PSG8: variants seen among roughly 807,000 people sequenced by gnomAD.
The protein encoded by PSG8 is pregnancy-specific beta-1-glycoprotein 8.
PSG8 carries 57 observed loss-of-function variants against 42.5 expected under a neutral mutation model. The observed-to-expected ratio is 1.34, with a 90% CI of 1.08 to 1.67. PSG8 has a LOEUF of 1.67. Among genes scored for constraint, PSG8 ranks in the 40% most tolerant of loss-of-function variants. PSG8 has a pLI of 0.00. For missense variants in PSG8, 783 were observed against 518.6 expected (o/e 1.51, Z -4.95); for synonymous variants, 280 against 196.8 (o/e 1.42, Z -3.54).
In PSG8 at chr19:42,764,172, C is replaced by T. The variant is rs138853785; in HGVS notation, c.174G>A (p.Leu58=). ...AGATGTAGCCAGTAAGATTCTGGGG[C>T]AAATTGTGGACAAGTAGAAGAACAT... ...GKDVLLLVHN[L]PQNLTGYIWY... The change falls in exon 2 of 5, where the codon TTG becomes TTA. Residue 58 remains leucine (L), a synonymous_variant. Transcript: ENST00000306511. 1.2e-5 allele frequency: 19 copies of T among 1,613,804 alleles called. No homozygotes were observed. In the African/African-American group the frequency reaches 1.2e-4, roughly 10 times the overall value.
Position 42,764,138 on chromosome 19 carries a change from C to G in PSG8, c.208G>C (p.Gly70Arg). The change falls in exon 2 of 5, where the codon GGG becomes CGG. Residue 70 changes from glycine (G) to arginine (R), a missense_variant. By Grantham distance (125) the Gly-to-Arg change is moderately radical. Transcript: ENST00000306511. Reference sequence around the variant, plus strand: ...TAATGGTAGAGGTCCCTGATTTGCCCTTTGTACCAGATGTAGCCAGTAAGA... The same window carrying G: ...TAATGGTAGAGGTCCCTGATTTGCCGTTTGTACCAGATGTAGCCAGTAAGA... ...QNLTGYIWYKGQIRDLYHYIT... is the reference protein window; with the variant it reads ...QNLTGYIWYKRQIRDLYHYIT... The G allele has an allele frequency of 6.2e-7, 1 of 1,613,870 alleles. No homozygotes were observed. The highest frequency in any genetic ancestry group is 8.5e-7 in the Non-Finnish European group (1 of 1,179,896).
At position 42,758,214 on chromosome 19, in the gene PSG8, C is replaced by A. The variant is rs751341959; in HGVS notation, c.497G>T (p.Ser166Ile). 5.1e-5 allele frequency: 82 copies of A among 1,613,938 alleles called. 1 individual carries two copies. Among genetic ancestry groups the A allele is most frequent in the Admixed American group, 5.0e-4 (30 of 59,980 alleles). The change falls in exon 3 of 5, where the codon AGC becomes ATC. Residue 166 changes from serine (S) to isoleucine (I), a missense_variant. By Grantham distance (142) the Ser-to-Ile change is moderately radical. Coordinates refer to ENST00000306511, the MANE Select transcript of PSG8 (RefSeq NM_182707.3). ...LNPREAMEAV[S>I]LTCDPETPDA... ...CGGAGTCTCAGGATCACAGGTTAAG[C>A]TCACAGCCTCCATGGCCTCCCTGGG...
intron 2 of PSG8, among the ~76,000 whole-genome samples, chr19:42,762,663 T>C (rs1472198243): frequency 6.6e-6 from 1 of 151,970 alleles, no homozygotes; most frequent in Non-Finnish European, 1.5e-5. Context: ...ATGGACACTT[T>C]GGGAAACACA....
rs375085910 is a variant in PSG8, at chr19:42,763,896, G to A, written c.430+20C>T. The A allele has an allele frequency of 1.9e-6, 3 of 1,613,482 alleles. No homozygotes were observed. The highest frequency in any genetic ancestry group is 3.3e-5 in the Admixed American group (2 of 59,964). ...TGACCCCTGTCCCCCAACACCCAGG[G>A]ATCATGTGGAATCACTCACGATATA... On this transcript the variant is annotated intron_variant, in intron 2 of 4. Coordinates refer to ENST00000306511, the MANE Select transcript of PSG8 (RefSeq NM_182707.3).
rs771274488 is a variant in PSG8, at chr19:42,754,440, A to G, written c.1136T>C (p.Leu379Pro). 57 of 1,613,870 alleles carry G rather than the reference A, an allele frequency of 3.5e-5. 1 individual carries two copies. The highest frequency in any genetic ancestry group is 1.7e-4 in the Middle Eastern group (1 of 6,050). Residue 379 changes from leucine to proline, a missense_variant, in exon 5 of 5, where the codon CTC (leucine) becomes CCC (proline). By Grantham distance (98) the Leu-to-Pro change is moderately conservative. Coordinates refer to ENST00000306511, the MANE Select transcript of PSG8 (RefSeq NM_182707.3). ...NGKFQLSGQK[L>P]FIPQITTKHS... ...CTTTGTAGTAATTTGGGGGATAAAGAGCTTTTGTCCTGATAGCTGAAACTT... is the reference window on the plus strand; with the variant it reads ...CTTTGTAGTAATTTGGGGGATAAAGGGCTTTTGTCCTGATAGCTGAAACTT...
chr19:42,765,046 C>G (rs1970180705), intron 1 of PSG8, among the ~76,000 whole-genome samples: 1 of 144,870 alleles, frequency 6.9e-6, no homozygotes, highest in South Asian at 2.1e-4. Context: ...TTTCCTACCT[C>G]TTACCAATTC....
intron 3 of PSG8, among the ~76,000 whole-genome samples, chr19:42,756,569 G>T (rs1969932684): frequency 6.6e-6 from 1 of 151,962 alleles, no homozygotes; most frequent in Non-Finnish European, 1.5e-5. Context: ...TTTCTTTTCA[G>T]CATCAGATTA....
rs765182014 is a variant in PSG8 at position 42,754,413 on chromosome 19, T to A, written c.1163A>T (p.His388Leu). ...AACAGAGCAAGCATAGAGCCCGCTATGCTTTGTAGTAATTTGGGGGATAAA... is the reference window on the plus strand; with the variant it reads ...AACAGAGCAAGCATAGAGCCCGCTAAGCTTTGTAGTAATTTGGGGGATAAA... ...KLFIPQITTK[H>L]SGLYACSVRN... The change falls in exon 5 of 5, where the codon CAT (histidine) becomes CTT (leucine). Residue 388 changes from histidine to leucine, a missense_variant. By Grantham distance (99) the His-to-Leu change is moderately conservative (BLOSUM62 -3). Coordinates refer to ENST00000306511, the MANE Select transcript of PSG8 (RefSeq NM_182707.3). 6.2e-7 allele frequency: 1 copy of A among 1,613,896 alleles called. No individual in the cohort carries two copies. Among genetic ancestry groups the A allele is most frequent in the East Asian group, 2.2e-5 (1 of 44,890 alleles).
At chr19:42,760,685 C>T (rs1293193240) in intron 2 of PSG8, among the ~76,000 whole-genome samples, 2 of 152,002 alleles carry the variant, frequency 1.3e-5, no homozygotes, top group Admixed American at 6.6e-5. Context: ...TAGGTTCACG[C>T]CATTCTCCTG....
rs1423323095 is a variant in PSG8, at chr19:42,758,245, A to AT, written c.465dup (p.Leu156IlefsTer15). The AT allele has an allele frequency of 6.2e-7, 1 of 1,613,850 alleles. No homozygotes were observed. ...GCCTCCATGGCCTCCCTGGGGTTTA[A>AT]TTTGCTGCTGGAGATGGAGGGCTTG... On this transcript the variant is annotated frameshift_variant, in exon 3 of 5. Coordinates refer to ENST00000306511, the MANE Select transcript of PSG8 (RefSeq NM_182707.3). LOFTEE classifies it high-confidence loss of function.
At chr19:42,754,962 C>T (rs1969880461) in intron 4 of PSG8, 26 bp downstream of exon 4, 6 of 1,591,160 alleles carry the variant, frequency 3.8e-6, no homozygotes, top group Middle Eastern at 1.9e-4. Flanking sequence ...GGTGTCCTGG[C>T]CCACAGAGGA....
At chr19:42,759,903 A>G (rs1223438232) in intron 2 of PSG8, among the ~76,000 whole-genome samples, 1 of 152,202 alleles carries the variant, frequency 6.6e-6, no homozygotes, top group Admixed American at 6.5e-5. Flanking sequence ...GCCAATGGTG[A>G]TTTGAAATTA....
intron 4 of PSG8, 115 bp from the exon 5 acceptor site, chr19:42,754,702 C>G: frequency 7.4e-7 from 1 of 1,353,172 alleles, no homozygotes; most frequent in Non-Finnish European, 1.0e-6. Flanking sequence ...AAGTCCCAGC[C>G]CAACCCCCTC....
At chr19:42,753,499 A>T (rs1350529389), downstream of PSG8, 2 of 674,398 alleles carry the variant, frequency 3.0e-6, no homozygotes, top group Non-Finnish European at 2.7e-6. Context: ...TTTACCAATG[A>T]TAATTTCAGT....
At chr19:42,758,402 C>G in intron 2 of PSG8, 122 bp from the exon 3 acceptor site, 1 of 1,522,274 alleles carries the variant, frequency 6.6e-7, no homozygotes, top group East Asian at 2.3e-5. Flanking sequence ...AAGCCCATGG[C>G]AGGTGTGTGT....
chr19:42,758,527 A>G (rs1163479086), intron 2 of PSG8: 6 of 829,320 alleles, frequency 7.2e-6, no homozygotes, highest in African/African-American at 3.4e-5. Context: ...GGGTCATGGA[A>G]AGACACAGGA....
Position 42,758,201 on chromosome 19 carries a change from A to T in PSG8, c.510T>A (p.Asp170Glu). Residue 170 changes from aspartate to glutamate, a missense_variant, in exon 3 of 5, where the codon GAT (aspartate) becomes GAA (glutamate). Coordinates refer to ENST00000306511, the MANE Select transcript of PSG8 (RefSeq NM_182707.3). ...EAMEAVSLTC[D>E]PETPDASYLW... The stretch of plus-strand genomic sequence containing the variant: ...GGTAGCTTGCGTCCGGAGTCTCAGG[A>T]TCACAGGTTAAGCTCACAGCCTCCA... 6.2e-7 allele frequency: 1 copy of T among 1,614,008 alleles called. No homozygotes were observed. Among genetic ancestry groups the T allele is most frequent in the Admixed American group, 1.7e-5 (1 of 60,000 alleles).
chr19:42,761,754 T>C (rs1403535355), intron 2 of PSG8, among the ~76,000 whole-genome samples: 3 of 151,900 alleles, frequency 2.0e-5, no homozygotes, highest in South Asian at 2.1e-4. Context: ...AATAAACCTC[T>C]GTCCTCCTGT....
intron 3 of PSG8, chr19:42,755,878 CATG>C (rs1969912433): frequency 6.4e-6 from 1 of 156,786 alleles, no homozygotes; most frequent in Non-Finnish European, 1.4e-5. Context: ...GCAGGTGTTT[CATG>C]ATGACTTACT....
Sources: allele counts gnomAD v4.1 joint callset (sites outside exome capture counted in the v4.1 genomes callset), GRCh38; gene constraint gnomAD v4.1.1; transcripts MANE v1.5; gene names NCBI Gene and HGNC (gene_info 2026-07-23, HGNC 2026-07-21).